RBMS1: variants seen among roughly 807,000 people sequenced by gnomAD.
The protein encoded by RBMS1 is RNA binding motif single stranded interacting protein 1, also known as RNA-binding motif, single-stranded-interacting protein 1.
A neutral mutation model predicts 62.3 loss-of-function variants in RBMS1; 17 were observed. The ratio of observed to expected loss-of-function variants is 0.27; its 90% CI spans 0.19 to 0.41. The LOEUF is 0.41. Among genes scored for constraint, RBMS1 ranks in the 10% least tolerant of loss-of-function variants. The probability of loss-of-function intolerance (pLI) is 1.00; values close to 1 mark genes in which losing one functional copy is unlikely to be tolerated. For synonymous variants in RBMS1, 172 were observed against 170.0 expected, an observed-to-expected ratio of 1.01 and a Z score of -0.09; for missense variants, 334 against 504.5, an observed-to-expected ratio of 0.66 and a Z score of 3.24.
At chr2:160,380,486 C>A (rs994781095) in intron 1 of RBMS1, among the ~76,000 whole-genome samples, 1 of 152,006 alleles carries the variant, frequency 6.6e-6, no homozygotes, top group Non-Finnish European at 1.5e-5. Flanking sequence ...CAGAGCGCCC[C>A]GTACGATATC....
At chr2:160,338,985 A>C (rs1423158652) in intron 2 of RBMS1, among the ~76,000 whole-genome samples, 1 of 152,206 alleles carries the variant, frequency 6.6e-6, no homozygotes, top group African/African-American at 2.4e-5. Context: ...ATGAACAGAG[A>C]ACACTGAGGC....
chr2:160,476,616 G>C (rs976063125), intron 1 of RBMS1, among the ~76,000 whole-genome samples: 14 of 146,108 alleles, frequency 9.6e-5, no homozygotes, highest in African/African-American at 3.6e-4. Flanking sequence ...GTGCAGTGGC[G>C]GGATCTCGGC....
chr2:160,318,839 ACT>A (rs928429305), intron 2 of RBMS1, among the ~76,000 whole-genome samples: 1 of 152,212 alleles, frequency 6.6e-6, no homozygotes, highest in African/African-American at 2.4e-5. Flanking sequence ...ACCACTTGTA[ACT>A]CAGTAATAAT....
intron 1 of RBMS1, chr2:160,407,923 G>A: frequency 1.0e-6 from 1 of 980,270 alleles, no homozygotes; most frequent in Non-Finnish European, 1.2e-6. Context: ...CCGGCCGGGG[G>A]CGGGGAGGCG....
chr2:160,276,852 C>T (rs1458623455), intron 12 of RBMS1, among the ~76,000 whole-genome samples: 1 of 152,050 alleles, frequency 6.6e-6, no homozygotes, highest in Admixed American at 6.5e-5. Context: ...ACAGAACGTC[C>T]GAGGGGTATG....
At chr2:160,451,619 T>A (rs995754429) in intron 1 of RBMS1, among the ~76,000 whole-genome samples, 4 of 152,100 alleles carry the variant, frequency 2.6e-5, no homozygotes, top group African/African-American at 9.7e-5. Flanking sequence ...ATTATTATTA[T>A]TATTTTTTTG....
At chr2:160,472,975 C>T (rs1684981061) in intron 1 of RBMS1, among the ~76,000 whole-genome samples, 2 of 152,210 alleles carry the variant, frequency 1.3e-5, no homozygotes, top group Non-Finnish European at 2.9e-5. Flanking sequence ...AAAAGGGCCA[C>T]TCAACTATGT....
chr2:160,315,442 G>C (rs1259661971), intron 3 of RBMS1, among the ~76,000 whole-genome samples: 1 of 152,156 alleles, frequency 6.6e-6, no homozygotes, highest in Non-Finnish European at 1.5e-5. Flanking sequence ...GGCTTCCCAG[G>C]AGAATTCCTC....
At chr2:160,426,288 AGAAAAGAAAGAAGGAAG>A (rs1682600600) in intron 1 of RBMS1, among the ~76,000 whole-genome samples, 4 of 115,224 alleles carry the variant, frequency 3.5e-5, no homozygotes, top group African/African-American at 1.4e-4. Flanking sequence ...AAAGAAAGAA[AGAAAAGAAAGAAGGAAG>A]GAAGGAAGGA....
chr2:160,372,295 C>T (rs1693766420), intron 1 of RBMS1, among the ~76,000 whole-genome samples: 1 of 151,514 alleles, frequency 6.6e-6, no homozygotes, highest in African/African-American at 2.4e-5. Context: ...AAGTTTTCAT[C>T]CTTATAGTTC....
intron 2 of RBMS1, among the ~76,000 whole-genome samples, chr2:160,357,298 C>T (rs989457642): frequency 2.0e-5 from 3 of 152,024 alleles, no homozygotes; most frequent in South Asian, 2.1e-4. Context: ...GATATTAAAA[C>T]GGGTTTGCCA....
chr2:160,406,973 T>C (rs1018713189), intron 1 of RBMS1, among the ~76,000 whole-genome samples: 3 of 151,856 alleles, frequency 2.0e-5, no homozygotes, highest in Admixed American at 6.6e-5. Flanking sequence ...TTCTTTCTCT[T>C]TTTTTTTCTT....
intron 1 of RBMS1, among the ~76,000 whole-genome samples, chr2:160,413,198 A>G (rs1246846420): frequency 6.6e-6 from 1 of 152,214 alleles, no homozygotes; most frequent in Non-Finnish European, 1.5e-5. Flanking sequence ...ATTCAACACT[A>G]TATCAGACTG....
chr2:160,388,238 G>C (rs1342444500), intron 1 of RBMS1, among the ~76,000 whole-genome samples: 5 of 152,142 alleles, frequency 3.3e-5, no homozygotes, highest in Non-Finnish European at 5.9e-5. Context: ...TCACTGAAAG[G>C]TTCAAACACA....
At chr2:160,450,579 A>C (rs1418035677) in intron 1 of RBMS1, among the ~76,000 whole-genome samples, 12 of 147,024 alleles carry the variant, frequency 8.2e-5, no homozygotes, top group South Asian at 6.3e-4. Context: ...AAAAAAAAAA[A>C]CAAAAAACAT....
intron 1 of RBMS1, among the ~76,000 whole-genome samples, chr2:160,448,556 G>C (rs1002178929): frequency 6.6e-6 from 1 of 152,256 alleles, no homozygotes; most frequent in African/African-American, 2.4e-5. Flanking sequence ...TCGGCCTCCC[G>C]AGGTGCCAGG....
chr2:160,424,266 G>C (rs1409637889), intron 1 of RBMS1, among the ~76,000 whole-genome samples: 1 of 150,676 alleles, frequency 6.6e-6, no homozygotes, highest in Non-Finnish European at 1.5e-5. Flanking sequence ...TGATCCACCC[G>C]CCTCAGCCTC....
At chr2:160,458,056 T>C (rs1442323235) in intron 1 of RBMS1, among the ~76,000 whole-genome samples, 2 of 152,056 alleles carry the variant, frequency 1.3e-5, no homozygotes, top group Non-Finnish European at 2.9e-5. Flanking sequence ...CTCAACCTCC[T>C]GGGCAAAAGT....
intron 1 of RBMS1, among the ~76,000 whole-genome samples, chr2:160,483,170 CTTTT>C (rs1219667916): frequency 6.6e-6 from 1 of 151,132 alleles, no homozygotes; most frequent in Non-Finnish European, 1.5e-5. Context: ...AGAAACACAT[CTTTT>C]TTTAGGTTTT....
Sources: gnomAD v4.1 joint callset for allele counts (sites outside exome capture counted in the v4.1 genomes callset) on GRCh38, gnomAD v4.1.1 for gene constraint, MANE v1.5 for transcripts, NCBI Gene and HGNC (gene_info 2026-07-23, HGNC 2026-07-21) for gene names.